The following RB1 variants were observed in gnomAD, a reference collection of about 807,000 sequenced individuals.
RB1 encodes the protein RB transcriptional corepressor 1, also known as retinoblastoma-associated protein.
RB1 carries 18 observed loss-of-function variants against 135.4 expected under a neutral mutation model. The observed-to-expected ratio is 0.13, with a 90% CI of 0.09 to 0.20. The LOEUF is 0.20. Among genes scored for constraint, RB1 ranks in the 10% least tolerant of loss-of-function variants. The pLI is 1.00. For missense variants in RB1, 868 were observed against 1,110.0 expected (o/e 0.78, Z 3.10); for synonymous variants, 365 against 373.2 (o/e 0.98, Z 0.25).
intron 2 of RB1, among the ~76,000 whole-genome samples, chr13:48,310,788 G>A (rs1333386448): frequency 1.3e-5 from 2 of 152,036 alleles, no homozygotes; most frequent in African/African-American, 4.8e-5. Flanking sequence ...ATACATGAAA[G>A]CATATATTAA....
chr13:48,368,407 ATTGAG>A, intron 10 of RB1, 115 bp from the exon 11 acceptor site: 2 of 1,308,062 alleles, frequency 1.5e-6, no homozygotes, highest in South Asian at 1.3e-5. Context: ...CCTATCTATT[ATTGAG>A]TTATCATTTT....
chr13:48,379,913 TTG>T, intron 14 of RB1, 138 bp from the exon 15 acceptor site: 1 of 817,114 alleles, frequency 1.2e-6, no homozygotes, highest in East Asian at 3.2e-5. Flanking sequence ...TGAGCCAAGA[TTG>T]TGCCATTTCA....
At chr13:48,352,368 G>GTT (rs201652377) in intron 6 of RB1, among the ~76,000 whole-genome samples, 3 of 145,190 alleles carry the variant, frequency 2.1e-5, no homozygotes, top group Admixed American at 6.9e-5. Context: ...TTTTAAAATA[G>GTT]TTTTTTTTTT....
At chr13:48,477,324 A>G (rs934957955) in intron 25 of RB1, 31 bp from the exon 26 acceptor site, 2 of 1,549,768 alleles carry the variant, frequency 1.3e-6, no homozygotes, top group Non-Finnish European at 1.8e-6. Context: ...ATAAATACAC[A>G]TGAAATGTTT....
At chr13:48,342,331 C>A (rs1258509639) in intron 2 of RB1, among the ~76,000 whole-genome samples, 1 of 151,594 alleles carries the variant, frequency 6.6e-6, no homozygotes, top group East Asian at 1.9e-4. Flanking sequence ...AATTGACTGA[C>A]CCCTAAAGTT....
At chr13:48,361,814 CCA>C (rs979819580) in intron 7 of RB1, among the ~76,000 whole-genome samples, 10 of 151,876 alleles carry the variant, frequency 6.6e-5, no homozygotes, top group African/African-American at 2.4e-4. Flanking sequence ...CTTGAGTTTT[CCA>C]CAGTGTGGTT....
At chr13:48,336,777 G>T (rs1032671464) in intron 2 of RB1, among the ~76,000 whole-genome samples, 1 of 151,394 alleles carries the variant, frequency 6.6e-6, no homozygotes, top group Admixed American at 6.6e-5. Context: ...TGATGTTAGG[G>T]TGTCAATTTT....
chr13:48,456,430 G>A, intron 19 of RB1, 81 bp downstream of exon 19: 1 of 1,551,266 alleles, frequency 6.4e-7, no homozygotes, highest in Non-Finnish European at 8.8e-7. Context: ...CTACTTTCTA[G>A]GTACATTACT....
At position 48,465,190 on chromosome 13, in the gene RB1, T is replaced by C. The variant is rs1304431756; in HGVS notation, c.2326-15T>C. 2 of 1,613,960 alleles carry C rather than the reference T, an allele frequency of 1.2e-6. No homozygotes were observed. The highest frequency in any genetic ancestry group is 1.7e-6 in the Non-Finnish European group (2 of 1,179,890). On this transcript the variant is annotated splice_polypyrimidine_tract_variant and intron_variant, in intron 22 of 26. Coordinates refer to ENST00000267163, the MANE Select transcript of RB1 (RefSeq NM_000321.3). Reference sequence around the variant, plus strand: ...AACATTAAATAAATAATCTACTTTTTTGTTTTTGCTCTAGCCCCCTACCTT... The same window carrying C: ...AACATTAAATAAATAATCTACTTTTCTGTTTTTGCTCTAGCCCCCTACCTT...
chr13:48,373,462 A>G lies in RB1; in HGVS notation c.1185A>G (p.Gln395=). The G allele has an allele frequency of 6.3e-7, 1 of 1,593,268 alleles. No individual in the cohort carries two copies. Among genetic ancestry groups the G allele is most frequent in the South Asian group, 1.1e-5 (1 of 90,564 alleles). Residue 395 remains glutamine (Q), a synonymous_variant, in exon 12 of 27, where the codon CAA becomes CAG. Transcript: ENST00000267163. ...TGATTTTAAATTCAGCAAGTGATCA[A>G]CCTTCAGAAAATCTGATTTCCTATT... ...LMMILNSASD[Q]PSENLISYFN... is the part of the protein sequence containing the mutation.
chr13:48,325,997 C>G (rs764908045), intron 2 of RB1, among the ~76,000 whole-genome samples: 14 of 152,156 alleles, frequency 9.2e-5, no homozygotes, highest in Non-Finnish European at 1.8e-4. Flanking sequence ...CTGCTTAATA[C>G]TGTAACCTGC....
intron 2 of RB1, among the ~76,000 whole-genome samples, chr13:48,311,290 T>A (rs918774516): frequency 5.9e-5 from 9 of 152,208 alleles, no homozygotes; most frequent in Non-Finnish European, 1.0e-4. Flanking sequence ...TAGAACCACT[T>A]ACTTATTTTT....
intron 2 of RB1, among the ~76,000 whole-genome samples, chr13:48,311,731 G>A (rs1375247974): frequency 6.6e-6 from 1 of 152,062 alleles, no homozygotes; most frequent in Non-Finnish European, 1.5e-5. Flanking sequence ...TTTTGAGATG[G>A]AGTCTTGCTC....
intron 17 of RB1, among the ~76,000 whole-genome samples, chr13:48,448,414 A>C (rs927258521): frequency 6.6e-6 from 1 of 152,160 alleles, no homozygotes; most frequent in Non-Finnish European, 1.5e-5. Context: ...TGATGCCTCC[A>C]TAGGAGACAA....
chr13:48,466,289 C>T (rs930615042), intron 23 of RB1, among the ~76,000 whole-genome samples: 1 of 55,282 alleles, frequency 1.8e-5, no homozygotes, highest in Admixed American at 2.0e-4. Context: ...CACCCCCCAG[C>T]AGGGGCACAC....
At chr13:48,402,665 A>G (rs1948703704) in intron 17 of RB1, among the ~76,000 whole-genome samples, 1 of 151,814 alleles carries the variant, frequency 6.6e-6, no homozygotes, top group Admixed American at 6.6e-5. Flanking sequence ...ATGAGCTGCC[A>G]CTCTTGGCCT....
At chr13:48,313,745 C>CTTTTTTTTTT (rs56131979) in intron 2 of RB1, among the ~76,000 whole-genome samples, 5 of 101,954 alleles carry the variant, frequency 4.9e-5, no homozygotes, top group Non-Finnish European at 8.9e-5. Flanking sequence ...TATGTTTATT[C>CTTTTTTTTTT]TTTTTTTTTT....
At chr13:48,435,720 A>G (rs1776700933) in intron 17 of RB1, among the ~76,000 whole-genome samples, 1 of 152,126 alleles carries the variant, frequency 6.6e-6, no homozygotes, top group Non-Finnish European at 1.5e-5. Flanking sequence ...TTATTTTTGT[A>G]CAAAGTTTGA....
intron 17 of RB1, among the ~76,000 whole-genome samples, chr13:48,446,517 G>A (rs1291786249): frequency 6.6e-6 from 1 of 152,158 alleles, no homozygotes; most frequent in East Asian, 1.9e-4. Flanking sequence ...ACCTCAAGTG[G>A]TGATCAATAC....
Sources: gnomAD v4.1 joint callset for allele counts (sites outside exome capture counted in the v4.1 genomes callset) on GRCh38, gnomAD v4.1.1 for gene constraint, MANE v1.5 for transcripts, NCBI Gene and HGNC (gene_info 2026-07-23, HGNC 2026-07-21) for gene names.